The following CCDC171 variants were observed in gnomAD, a reference collection of about 807,000 sequenced individuals.
The protein encoded by CCDC171 is coiled-coil domain-containing protein 171.
A neutral mutation model predicts 168.2 loss-of-function variants in CCDC171; 177 were observed. That is an observed-to-expected ratio of 1.05 (90% CI 0.93 to 1.19). The LOEUF (loss-of-function observed/expected upper bound fraction) is 1.19, where lower values mean the gene tolerates loss of function less well. Ranked by LOEUF, CCDC171 falls within the 50% of genes most tolerant of loss-of-function variation. The probability of loss-of-function intolerance (pLI) is 0.00; values close to 1 mark genes in which losing one functional copy is unlikely to be tolerated. For missense variants in CCDC171, 1,991 were observed against 1,539.0 expected (o/e 1.29, Z -4.91); for synonymous variants, 687 against 540.8 (o/e 1.27, Z -3.75).
At chr9:16,020,142 C>T (rs1041264063) in intron 3 of CCDC171, among the ~76,000 whole-genome samples, 1 of 152,076 alleles carries the variant, frequency 6.6e-6, no homozygotes, top group Non-Finnish European at 1.5e-5. Context: ...GACATGATGC[C>T]ATAAATGGAA....
At chr9:15,702,650 A>G (rs979316108) in intron 11 of CCDC171, among the ~76,000 whole-genome samples, 1 of 152,170 alleles carries the variant, frequency 6.6e-6, no homozygotes, top group African/African-American at 2.4e-5. Flanking sequence ...TTTTGCAACA[A>G]AAGACTGTTT....
Position 15,990,581 on chromosome 9 carries a change from A to G in CCDC171, n.369-30008A>G, listed in dbSNP as rs370014146. ...ATCAAATTCACACATAACAATATTA[A>G]CCATAAATGTAAATGGGCTAAATGC... On this transcript the variant is annotated intron_variant and non_coding_transcript_variant, in intron 3 of 9. Transcript: ENST00000486641. Among the ~76,000 whole-genome samples the G allele has an allele frequency of 7.8e-3, 1,187 of 152,310 alleles. 7 individuals are homozygous for G. The highest frequency in any genetic ancestry group is 0.013 in the Non-Finnish European group (883 of 68,016).
At chr9:15,770,519 A>G (rs1265916806) in intron 18 of CCDC171, among the ~76,000 whole-genome samples, 1 of 152,192 alleles carries the variant, frequency 6.6e-6, no homozygotes, top group Admixed American at 6.5e-5. Context: ...TTTGTCTAAA[A>G]TGATAACAGA....
intron 23 of CCDC171, among the ~76,000 whole-genome samples, chr9:15,862,900 G>A (rs897810767): frequency 6.6e-6 from 1 of 152,046 alleles, no homozygotes; most frequent in Non-Finnish European, 1.5e-5. Context: ...ACTTGGAAAA[G>A]TTGGAATGTT....
intron 23 of CCDC171, among the ~76,000 whole-genome samples, chr9:15,856,194 C>G (rs2061342763): frequency 6.6e-6 from 1 of 151,896 alleles, no homozygotes; most frequent in Non-Finnish European, 1.5e-5. Context: ...AACACTTAAT[C>G]TAAGATCTAG....
the CCDC171 span, among the ~76,000 whole-genome samples, chr9:16,084,236 C>T: frequency 6.6e-6 from 1 of 152,116 alleles, no homozygotes; most frequent in East Asian, 1.9e-4. Flanking sequence ...GGAGTACCCC[C>T]TTGGTGGCTG....
At chr9:15,980,623 A>G (rs886640625) in intron 3 of CCDC171, among the ~76,000 whole-genome samples, 4 of 151,986 alleles carry the variant, frequency 2.6e-5, no homozygotes, top group Admixed American at 2.6e-4. Context: ...CTGTTCTTCA[A>G]CCCTTTCAAG....
intron 11 of CCDC171, among the ~76,000 whole-genome samples, chr9:15,716,575 C>CT (rs2053102018): frequency 6.6e-6 from 1 of 151,924 alleles, no homozygotes; most frequent in Non-Finnish European, 1.5e-5. Flanking sequence ...AACAGAATGC[C>CT]TGAGACTGGG....
intron 3 of CCDC171, among the ~76,000 whole-genome samples, chr9:15,993,959 A>G (rs1832289982): frequency 6.6e-6 from 1 of 152,206 alleles, no homozygotes; most frequent in Non-Finnish European, 1.5e-5. Flanking sequence ...TAGGTTGTGG[A>G]GAAATAGGAA....
At chr9:16,079,054 T>G in the CCDC171 span, among the ~76,000 whole-genome samples, 1 of 152,214 alleles carries the variant, frequency 6.6e-6, no homozygotes, top group Non-Finnish European at 1.5e-5. Context: ...CTCTAACCTA[T>G]AAGGCCAAGT....
At chr9:15,728,088 C>T in intron 15 of CCDC171, 52 bp downstream of exon 15, 2 of 1,402,736 alleles carry the variant, frequency 1.4e-6, no homozygotes, top group Non-Finnish European at 9.9e-7. Context: ...GACATTTGTC[C>T]ACATCACAGT....
At chr9:16,102,229 T>G in the CCDC171 span, among the ~76,000 whole-genome samples, 1 of 152,066 alleles carries the variant, frequency 6.6e-6, no homozygotes, top group Non-Finnish European at 1.5e-5. Flanking sequence ...ATTACGATAT[T>G]GTCTGTTTTG....
chr9:15,613,460 A>C (rs962465423), intron 6 of CCDC171, among the ~76,000 whole-genome samples: 7 of 152,132 alleles, frequency 4.6e-5, no homozygotes, highest in Non-Finnish European at 8.8e-5. Flanking sequence ...AATGTTATCT[A>C]TACATACATT....
intron 9 of CCDC171, among the ~76,000 whole-genome samples, chr9:15,678,528 T>A (rs1169971009): frequency 3.3e-5 from 5 of 152,206 alleles, no homozygotes; most frequent in African/African-American, 4.8e-5. Context: ...ATTTTGCTTA[T>A]AGCCTTGGGC....
chr9:15,874,860 A>G, intron 24 of CCDC171, 197 bp downstream of exon 24: 1 of 436,186 alleles, frequency 2.3e-6, no homozygotes, highest in Admixed American at 4.7e-5. Flanking sequence ...GAACTAGCCT[A>G]TTAAAATAAT....
intron 25 of CCDC171, among the ~76,000 whole-genome samples, chr9:15,950,264 A>G (rs1231413867): frequency 1.3e-5 from 2 of 152,142 alleles, no homozygotes; most frequent in Non-Finnish European, 2.9e-5. Context: ...AATTCAGGAA[A>G]TACAGAGAAC....
chr9:15,732,760 G>C (rs2054232466), intron 16 of CCDC171, among the ~76,000 whole-genome samples: 1 of 152,050 alleles, frequency 6.6e-6, no homozygotes, highest in Non-Finnish European at 1.5e-5. Flanking sequence ...TCCATGGAAA[G>C]GTTTTTGTGT....
chr9:15,580,401 TA>T (rs1235503873), intron 4 of CCDC171, among the ~76,000 whole-genome samples: 1 of 151,808 alleles, frequency 6.6e-6, no homozygotes, highest in Non-Finnish European at 1.5e-5. Context: ...CTAATTAAAC[TA>T]AAAAGCTTTT....
At chr9:16,049,059 C>G (rs936597064) in intron 1 of CCDC171, among the ~76,000 whole-genome samples, 2 of 152,008 alleles carry the variant, frequency 1.3e-5, no homozygotes, top group Non-Finnish European at 2.9e-5. Context: ...ATCTAAAATC[C>G]CTAATGTCTA....
Sources: allele counts gnomAD v4.1 joint callset (sites outside exome capture counted in the v4.1 genomes callset), GRCh38; gene constraint gnomAD v4.1.1; transcripts MANE v1.5; gene names NCBI Gene and HGNC (gene_info 2026-07-23, HGNC 2026-07-21).